B3GALT1: variants seen among roughly 807,000 people sequenced by gnomAD.
B3GALT1 encodes the protein beta-1,3-galactosyltransferase 1, also known as UDP-Gal:betaGlcNAc beta 1,3-galactosyltransferase, polypeptide 1.
B3GALT1 carries 10 observed loss-of-function variants against 23.2 expected under a neutral mutation model. That is an observed-to-expected ratio of 0.43 (90% CI 0.27 to 0.73). The LOEUF (loss-of-function observed/expected upper bound fraction) is 0.73. B3GALT1 is among the 30% of genes least tolerant of loss of function. B3GALT1 has a pLI of 0.21. For missense variants in B3GALT1, 299 were observed against 405.4 expected (o/e 0.74, Z 2.25); for synonymous variants, 156 against 141.5 (o/e 1.10, Z -0.73).
intron 2 of B3GALT1, among the ~76,000 whole-genome samples, chr2:167,625,158 A>G (rs1685318390): frequency 6.6e-6 from 1 of 151,936 alleles, no homozygotes; most frequent in South Asian, 2.1e-4. Context: ...TAAATTGGAA[A>G]AGTATAAACC....
At chr2:167,809,059 C>T (rs565364288) in intron 3 of B3GALT1, among the ~76,000 whole-genome samples, 80 of 152,316 alleles carry the variant, frequency 5.3e-4, no homozygotes, top group African/African-American at 1.8e-3. Flanking sequence ...GATACCCTTT[C>T]TTTCAGTTGA....
intron 2 of B3GALT1, among the ~76,000 whole-genome samples, chr2:167,579,879 A>G (rs982874917): frequency 6.6e-6 from 1 of 152,158 alleles, no homozygotes; most frequent in African/African-American, 2.4e-5. Context: ...TCCTAGATGT[A>G]GAGACTAGAT....
intron 1 of B3GALT1, among the ~76,000 whole-genome samples, chr2:167,476,702 A>T (rs1170256005): frequency 6.6e-6 from 1 of 152,144 alleles, no homozygotes; most frequent in Non-Finnish European, 1.5e-5. Flanking sequence ...TCCATCCTCT[A>T]CACCTCTCAC....
chr2:167,719,848 C>G (rs1687203983), intron 3 of B3GALT1, among the ~76,000 whole-genome samples: 1 of 151,976 alleles, frequency 6.6e-6, no homozygotes, highest in Admixed American at 6.6e-5. Flanking sequence ...AGGAGAATCA[C>G]TTAAACCCAG....
chr2:167,429,834 G>C (rs1177812001), intron 1 of B3GALT1, among the ~76,000 whole-genome samples: 1 of 152,242 alleles, frequency 6.6e-6, no homozygotes, highest in East Asian at 1.9e-4. Context: ...CTAATACCAA[G>C]TGACAAATTT....
chr2:167,423,862 C>T (rs1201643032), intron 1 of B3GALT1, among the ~76,000 whole-genome samples: 2 of 152,142 alleles, frequency 1.3e-5, no homozygotes, highest in Non-Finnish European at 2.9e-5. Context: ...CTCTTTTTAT[C>T]TCTCTATGCC....
intron 3 of B3GALT1, among the ~76,000 whole-genome samples, chr2:167,707,445 G>T (rs191989216): frequency 6.6e-6 from 1 of 152,102 alleles, no homozygotes. Context: ...ATGAGCTAAG[G>T]TCAAGATCTT....
intron 3 of B3GALT1, among the ~76,000 whole-genome samples, chr2:167,704,183 CAAAAAAAAAA>C (rs5836157): frequency 8.9e-6 from 1 of 112,926 alleles, no homozygotes; most frequent in Non-Finnish European, 1.7e-5. Flanking sequence ...TCAGTCTCAA[CAAAAAAAAAA>C]AAAAAAAAAG....
chr2:167,446,200 C>T (rs1000377838), intron 1 of B3GALT1, among the ~76,000 whole-genome samples: 8 of 152,222 alleles, frequency 5.3e-5, no homozygotes. Flanking sequence ...CCCCCACTTT[C>T]TTCTGGCTTG....
chr2:167,489,743 A>G lies in B3GALT1; in HGVS notation c.-510-434A>G, dbSNP rs532514147. On this transcript the variant is annotated intron_variant, in intron 1 of 4. Transcript: ENST00000392690. ...ACCAAATGTGTTAGTTTATCATAGC[A>G]GAGTAAAGCAACAAGACAGTATTAA... is the stretch of plus-strand genomic sequence containing the variant. 2.4e-3 allele frequency among the ~76,000 whole-genome samples: 372 copies of G among 152,298 alleles called. 1 individual carries two copies. The highest frequency in any genetic ancestry group is 4.2e-3 in the Non-Finnish European group (283 of 68,018).
chr2:167,383,623 A>G (rs924855755), intron 1 of B3GALT1, among the ~76,000 whole-genome samples: 1 of 152,190 alleles, frequency 6.6e-6, no homozygotes, highest in Non-Finnish European at 1.5e-5. Context: ...CAGGGATCGT[A>G]TTTTTCAGCT....
At chr2:167,801,108 G>A (rs1481956019) in intron 3 of B3GALT1, among the ~76,000 whole-genome samples, 2 of 152,190 alleles carry the variant, frequency 1.3e-5, no homozygotes, top group Non-Finnish European at 2.9e-5. Flanking sequence ...ACAGGCTCTT[G>A]GCTAGAATGC....
chr2:167,339,371 T>C (rs1372624715), intron 1 of B3GALT1, among the ~76,000 whole-genome samples: 1 of 151,286 alleles, frequency 6.6e-6, no homozygotes, highest in Admixed American at 6.6e-5. Context: ...TAGTAAATTA[T>C]GAATTTGAAT....
chr2:167,773,756 A>G (rs1426148840), intron 3 of B3GALT1, among the ~76,000 whole-genome samples: 2 of 152,248 alleles, frequency 1.3e-5, no homozygotes, highest in Non-Finnish European at 2.9e-5. Flanking sequence ...AACCACATGT[A>G]ATCTGCTCTC....
intron 3 of B3GALT1, chr2:167,715,035 C>T (rs1478624518): frequency 9.9e-6 from 16 of 1,611,542 alleles, no homozygotes; most frequent in Admixed American, 5.0e-5. Flanking sequence ...TTTGTTTTGT[C>T]CACTTCAGAT....
chr2:167,561,188 C>G (rs1416115870), intron 2 of B3GALT1, among the ~76,000 whole-genome samples: 2 of 152,164 alleles, frequency 1.3e-5, no homozygotes, highest in East Asian at 1.9e-4. Flanking sequence ...ACTGAACAAC[C>G]TGCTCCTGAA....
intron 2 of B3GALT1, among the ~76,000 whole-genome samples, chr2:167,531,690 A>G (rs971154995): frequency 6.6e-6 from 1 of 152,178 alleles, no homozygotes; most frequent in Non-Finnish European, 1.5e-5. Context: ...CCTATCTTCT[A>G]TGCATATTTT....
At chr2:167,436,896 T>C (rs1050133392) in intron 1 of B3GALT1, among the ~76,000 whole-genome samples, 4 of 152,146 alleles carry the variant, frequency 2.6e-5, no homozygotes, top group Non-Finnish European at 2.9e-5. Context: ...GCTTTCTGGA[T>C]ATAGAATCTT....
chr2:167,700,347 G>C (rs912190076), intron 3 of B3GALT1, among the ~76,000 whole-genome samples: 6 of 152,124 alleles, frequency 3.9e-5, no homozygotes, highest in African/African-American at 1.4e-4. Context: ...TTCTTGATCT[G>C]TTAGAGTTTT....
Sources: gnomAD v4.1 joint callset for allele counts (sites outside exome capture counted in the v4.1 genomes callset) on GRCh38, gnomAD v4.1.1 for gene constraint, MANE v1.5 for transcripts, NCBI Gene and HGNC (gene_info 2026-07-23, HGNC 2026-07-21) for gene names.